CSMD1: variants seen among roughly 807,000 people sequenced by gnomAD.
CSMD1 encodes CUB and Sushi multiple domains 1.
In CSMD1, 213 loss-of-function variants were observed where a neutral mutation model predicts 417.5. The observed-to-expected ratio is 0.51, with a 90% CI of 0.46 to 0.57. CSMD1 has a LOEUF of 0.57. Among genes scored for constraint, CSMD1 ranks in the 20% least tolerant of loss-of-function variants. The pLI is 0.00. For missense variants in CSMD1, 6,923 were observed against 4,529.7 expected (o/e 1.53, Z -15.17); for synonymous variants, 2,862 against 1,736.8 (o/e 1.65, Z -16.11).
chr8:4,086,860 G>T (rs1299945057), intron 3 of CSMD1, among the ~76,000 whole-genome samples: 1 of 152,170 alleles, frequency 6.6e-6, no homozygotes, highest in African/African-American at 2.4e-5. Context: ...CACGTTTCTG[G>T]TAGCATAAGA....
intron 33 of CSMD1, among the ~76,000 whole-genome samples, chr8:3,197,808 G>A (rs1022459594): frequency 6.6e-6 from 1 of 152,136 alleles, no homozygotes; most frequent in African/African-American, 2.4e-5. Context: ...CTTTCAAGAA[G>A]CAATGTTCCA....
intron 12 of CSMD1, among the ~76,000 whole-genome samples, chr8:3,456,383 A>C (rs1373718897): frequency 6.6e-6 from 1 of 152,084 alleles, no homozygotes; most frequent in Non-Finnish European, 1.5e-5. Flanking sequence ...CACCTTCTGC[A>C]TCCCTCACGC....
At chr8:3,298,942 T>C (rs1030416388) in intron 25 of CSMD1, among the ~76,000 whole-genome samples, 1 of 152,218 alleles carries the variant, frequency 6.6e-6, no homozygotes, top group Non-Finnish European at 1.5e-5. Flanking sequence ...TGGCAGTTTT[T>C]ATGCTATATG....
chr8:4,829,737 CAAAAA>C (rs11290763), intron 1 of CSMD1, among the ~76,000 whole-genome samples: 9 of 109,984 alleles, frequency 8.2e-5, no homozygotes, highest in Middle Eastern at 3.9e-3. Context: ...GACCCTGTCT[CAAAAA>C]AAAAAAAAAA....
At chr8:3,601,260 G>T (rs1036345266) in intron 8 of CSMD1, among the ~76,000 whole-genome samples, 1 of 152,200 alleles carries the variant, frequency 6.6e-6, no homozygotes, top group Admixed American at 6.5e-5. Context: ...TGGAGGCCAA[G>T]ATTTGGTAGG....
At chr8:4,709,778 G>T (rs918376205) in intron 1 of CSMD1, among the ~76,000 whole-genome samples, 1 of 152,198 alleles carries the variant, frequency 6.6e-6, no homozygotes, top group Non-Finnish European at 1.5e-5. Context: ...CTCCCAGGGA[G>T]AAGTCACAGG....
chr8:4,118,522 C>A (rs1195873740), intron 3 of CSMD1, among the ~76,000 whole-genome samples: 1 of 151,884 alleles, frequency 6.6e-6, no homozygotes, highest in Non-Finnish European at 1.5e-5. Flanking sequence ...TAGAGAAATG[C>A]AAACCAAACC....
At chr8:4,775,385 T>G (rs777975271) in intron 1 of CSMD1, among the ~76,000 whole-genome samples, 1 of 152,102 alleles carries the variant, frequency 6.6e-6, no homozygotes, top group Non-Finnish European at 1.5e-5. Context: ...AAAGATAGTG[T>G]TTAGAGTTTA....
chr8:3,699,055 T>C (rs1387818336), intron 7 of CSMD1, among the ~76,000 whole-genome samples: 3 of 152,220 alleles, frequency 2.0e-5, no homozygotes, highest in Non-Finnish European at 4.4e-5. Context: ...CGAAGCACTC[T>C]GCAGAAAGGC....
chr8:4,677,740 A>G (rs576222427), intron 1 of CSMD1, among the ~76,000 whole-genome samples: 3 of 152,320 alleles, frequency 2.0e-5, no homozygotes, highest in African/African-American at 7.2e-5. Context: ...CAGGCAACAG[A>G]TGCTCATCAA....
intron 3 of CSMD1, among the ~76,000 whole-genome samples, chr8:4,154,579 G>C (rs553838868): frequency 6.6e-6 from 1 of 152,164 alleles, no homozygotes; most frequent in East Asian, 1.9e-4. Context: ...GGGCCAAGAG[G>C]TGAGGTCTTT....
At chr8:4,955,945 C>T (rs545008361) in intron 1 of CSMD1, among the ~76,000 whole-genome samples, 2 of 152,176 alleles carry the variant, frequency 1.3e-5, no homozygotes, top group Non-Finnish European at 2.9e-5. Context: ...AGATGAATGG[C>T]TGAGTTTGAG....
chr8:4,091,282 T>C (rs887520498), intron 3 of CSMD1, among the ~76,000 whole-genome samples: 6 of 152,096 alleles, frequency 3.9e-5, no homozygotes, highest in African/African-American at 1.4e-4. Flanking sequence ...TCTAATAAAA[T>C]TTCCAATTTT....
At position 3,272,733 on chromosome 8, in the gene CSMD1, G is replaced by C. The variant is rs181379247; in HGVS notation, c.4153+11411C>G. On this transcript the variant is annotated intron_variant, in intron 26 of 69. Coordinates refer to ENST00000635120, the MANE Select transcript of CSMD1 (RefSeq NM_033225.6). ...TCACTCCTGATTTGGCTCTCTGTTT[G>C]TCTGTTGTTGGTGTATAAGAATGCT... Among the ~76,000 whole-genome samples, 123 of 146,224 alleles carry C rather than the reference G, an allele frequency of 8.4e-4. 4 individuals are homozygous for C. Among genetic ancestry groups the C allele is most frequent in the African/African-American group, 3.1e-3 (121 of 39,204 alleles).
Position 4,577,449 on chromosome 8 carries a change from C to A in CSMD1, c.302+59893G>T, listed in dbSNP as rs777434295. On this transcript the variant is annotated intron_variant, in intron 2 of 69. Transcript: ENST00000635120. ...TCTGCTCTCAGGAACCCAACAGGCT[C>A]CCAGCTCCAAGCGTGCTCCCCTCCT... Among the ~76,000 whole-genome samples, 101 of 152,152 alleles carry A rather than the reference C, an allele frequency of 6.6e-4. 1 individual carries two copies. Among genetic ancestry groups the A allele is most frequent in the Non-Finnish European group, 1.2e-3 (85 of 68,040 alleles).
intron 1 of CSMD1, among the ~76,000 whole-genome samples, chr8:4,795,772 C>A (rs1185126043): frequency 1.3e-5 from 2 of 152,096 alleles, no homozygotes; most frequent in Non-Finnish European, 1.5e-5. Flanking sequence ...CTGTGCACGC[C>A]TTCAGGTACT....
chr8:4,832,304 A>C (rs907979113), intron 1 of CSMD1, among the ~76,000 whole-genome samples: 2 of 152,122 alleles, frequency 1.3e-5, no homozygotes, highest in Non-Finnish European at 2.9e-5. Context: ...CTTAGCGCAC[A>C]TGAGGAGATG....
chr8:3,863,941 G>A (rs117605816), intron 5 of CSMD1, among the ~76,000 whole-genome samples: 1 of 152,152 alleles, frequency 6.6e-6, no homozygotes, highest in Non-Finnish European at 1.5e-5. Flanking sequence ...ATGACCTCCA[G>A]AGGTTTAGAG....
chr8:4,259,464 A>G (rs1031591108), intron 3 of CSMD1, among the ~76,000 whole-genome samples: 1 of 152,206 alleles, frequency 6.6e-6, no homozygotes, highest in Non-Finnish European at 1.5e-5. Flanking sequence ...CTTAAGCTTT[A>G]GGCTTAAAAA....
Sources: gnomAD v4.1 joint callset for allele counts (sites outside exome capture counted in the v4.1 genomes callset) on GRCh38, gnomAD v4.1.1 for gene constraint, MANE v1.5 for transcripts, NCBI Gene and HGNC (gene_info 2026-07-23, HGNC 2026-07-21) for gene names.